The following ANTXR2 variants were observed in gnomAD, a reference collection of about 807,000 sequenced individuals.
The protein encoded by ANTXR2 is ANTXR cell adhesion molecule 2, also known as anthrax toxin receptor 2.
ANTXR2 carries 44 observed loss-of-function variants against 73.7 expected under a neutral mutation model. That is an observed-to-expected ratio of 0.60 (90% CI 0.47 to 0.77). The LOEUF is 0.77. Ranked by LOEUF, ANTXR2 falls within the 30% of genes least tolerant of loss-of-function variation. The pLI is 0.00. For synonymous variants in ANTXR2, 217 were observed against 205.9 expected (o/e 1.05, Z -0.46); for missense variants, 604 against 592.5 (o/e 1.02, Z -0.20).
chr4:79,979,266 A>C (rs1040429206), intron 14 of ANTXR2, among the ~76,000 whole-genome samples: 4 of 152,208 alleles, frequency 2.6e-5, no homozygotes, highest in African/African-American at 9.7e-5. Flanking sequence ...TTGTCCAACC[A>C]GGAGTAGTGG....
chr4:80,072,298 C>G (rs896399576), intron 1 of ANTXR2, 111 bp downstream of exon 1: 1 of 1,247,676 alleles, frequency 8.0e-7, no homozygotes, highest in Admixed American at 3.1e-5. Flanking sequence ...GGCACCCCTC[C>G]GCGGGTTTCC....
intron 10 of ANTXR2, among the ~76,000 whole-genome samples, chr4:80,022,853 C>T (rs1345399049): frequency 6.6e-6 from 1 of 152,156 alleles, no homozygotes; most frequent in South Asian, 2.1e-4. Context: ...ACCCTCATCA[C>T]TCCATTTTTA....
chr4:80,018,930 A>C lies in ANTXR2; in HGVS notation c.913T>G (p.Ser305Ala). The C allele has an allele frequency of 6.6e-7, 1 of 1,519,724 alleles. No homozygotes were observed. Among genetic ancestry groups the C allele is most frequent in the Non-Finnish European group, 8.8e-7 (1 of 1,136,768 alleles). The allele number at this position is 1,519,724 out of a possible 1,614,324, so 94.1% of individuals were successfully genotyped here. The change falls in exon 11 of 17, where the codon TCA becomes GCA. Residue 305 changes from serine to alanine, a missense_variant. Transcript: ENST00000403729. ...VSFNGGKSVI[S>A]GSLIVTATEC... is the part of the protein sequence containing the mutation. ...GTGGCTGTGACAATTAATGATCCTG[A>C]AATGACAGATTTTCCTCCATTAAAG...
At chr4:80,032,937 C>CA (rs148620017) in intron 9 of ANTXR2, among the ~76,000 whole-genome samples, 24,330 of 147,800 alleles carry the variant, frequency 0.16, 2,966 homozygotes, top group African/African-American at 0.35. Flanking sequence ...ATCTATAAGG[C>CA]AAAAAAAGAC....
At chr4:79,991,286 A>G (rs1420078663) in intron 12 of ANTXR2, among the ~76,000 whole-genome samples, 2 of 152,096 alleles carry the variant, frequency 1.3e-5, no homozygotes, top group Non-Finnish European at 2.9e-5. Context: ...AAAAATGGGC[A>G]AAGGACACGA....
chr4:79,910,766 A>C (rs2109928456), intron 16 of ANTXR2, among the ~76,000 whole-genome samples: 1 of 152,254 alleles, frequency 6.6e-6, no homozygotes, highest in Admixed American at 6.5e-5. Context: ...AGGGAGAGAA[A>C]GAGGATTACC....
At chr4:80,066,473 T>C (rs897061298) in intron 3 of ANTXR2, among the ~76,000 whole-genome samples, 6 of 152,248 alleles carry the variant, frequency 3.9e-5, no homozygotes, top group African/African-American at 1.4e-4. Context: ...AGGAACCAAC[T>C]ATGTATAAAA....
At chr4:79,927,136 CT>C (rs1280970293) in intron 16 of ANTXR2, among the ~76,000 whole-genome samples, 1 of 150,856 alleles carries the variant, frequency 6.6e-6, no homozygotes, top group East Asian at 1.9e-4. Flanking sequence ...ACAGATGAAT[CT>C]AAAGGACACT....
intron 16 of ANTXR2, among the ~76,000 whole-genome samples, chr4:79,964,457 G>A (rs1362205905): frequency 6.6e-6 from 1 of 152,170 alleles, no homozygotes; most frequent in Non-Finnish European, 1.5e-5. Context: ...ACGGCTTAAT[G>A]GAGGTTGTTT....
intron 12 of ANTXR2, among the ~76,000 whole-genome samples, chr4:79,990,659 G>A (rs1440986440): frequency 6.6e-6 from 1 of 152,058 alleles, no homozygotes; most frequent in Non-Finnish European, 1.5e-5. Flanking sequence ...AACCAGAAGA[G>A]AACCTGAATA....
intron 16 of ANTXR2, among the ~76,000 whole-genome samples, chr4:79,948,091 G>A (rs76540122): frequency 0.014 from 2,165 of 152,182 alleles, 23 homozygotes; most frequent in Non-Finnish European, 0.02. Context: ...AACTATTAGC[G>A]TTTCTTAACC....
chr4:79,982,198 A>G (rs958061000), intron 14 of ANTXR2, among the ~76,000 whole-genome samples: 5 of 152,086 alleles, frequency 3.3e-5, no homozygotes, highest in African/African-American at 1.2e-4. Context: ...ATCATGCCAT[A>G]TTTTACATGA....
intron 12 of ANTXR2, among the ~76,000 whole-genome samples, chr4:79,994,596 A>T (rs80324339): frequency 0.76 from 114,847 of 151,688 alleles, 43,730 homozygotes; most frequent in East Asian, 0.94. Flanking sequence ...TCCTCCTGAG[A>T]ATTACATCCT....
At chr4:80,016,567 T>C (rs1731882749) in intron 11 of ANTXR2, among the ~76,000 whole-genome samples, 1 of 152,220 alleles carries the variant, frequency 6.6e-6, no homozygotes, top group Non-Finnish European at 1.5e-5. Flanking sequence ...AGCTCCAAAG[T>C]TTGTACATCC....
intron 16 of ANTXR2, among the ~76,000 whole-genome samples, chr4:79,951,081 T>C (rs1319778940): frequency 1.3e-5 from 2 of 152,204 alleles, no homozygotes; most frequent in Non-Finnish European, 2.9e-5. Flanking sequence ...AAGATAATAC[T>C]TGTAGGAAAA....
chr4:79,931,481 CTCTT>C (rs1175028202), intron 16 of ANTXR2, among the ~76,000 whole-genome samples: 2 of 147,814 alleles, frequency 1.4e-5, no homozygotes, highest in South Asian at 2.2e-4. Flanking sequence ...CTCTCTCTCT[CTCTT>C]TCTCCCCAAA....
rs1731419310 is a variant in ANTXR2, at chr4:80,008,546, C to A, written c.1016G>T (p.Trp339Leu). 5.6e-6 allele frequency: 9 copies of A among 1,608,824 alleles called. No individual in the cohort carries two copies. Among genetic ancestry groups the A allele is most frequent in the Non-Finnish European group, 7.6e-6 (9 of 1,177,926 alleles). The part of the protein sequence containing the change: ...LLLLGIGLMW[W>L]FWPLCCKVVI... ...CACTTTGCAGCAAAGGGGCCAAAACCACCACATCAAACCGATCCCCAGGAG... is the reference window on the plus strand; with the variant it reads ...CACTTTGCAGCAAAGGGGCCAAAACAACCACATCAAACCGATCCCCAGGAG... The change falls in exon 12 of 17, where the codon TGG becomes TTG. Residue 339 changes from tryptophan (W) to leucine (L), a missense_variant. By Grantham distance (61) the Trp-to-Leu change is moderately conservative. Transcript: ENST00000403729.
At chr4:79,955,200 CTG>C (rs1055624969) in intron 16 of ANTXR2, among the ~76,000 whole-genome samples, 8 of 152,062 alleles carry the variant, frequency 5.3e-5, no homozygotes, top group African/African-American at 1.9e-4. Flanking sequence ...AGAGAGGAAA[CTG>C]GAATAAAATT....
At chr4:79,911,747 A>C (rs1304026437) in intron 16 of ANTXR2, among the ~76,000 whole-genome samples, 1 of 151,964 alleles carries the variant, frequency 6.6e-6, no homozygotes, top group Non-Finnish European at 1.5e-5. Context: ...TTATGAAGAA[A>C]ATATTTTCTT....
Sources: gnomAD v4.1 joint callset for allele counts (sites outside exome capture counted in the v4.1 genomes callset) on GRCh38, gnomAD v4.1.1 for gene constraint, MANE v1.5 for transcripts, NCBI Gene and HGNC (gene_info 2026-07-23, HGNC 2026-07-21) for gene names.